Variants in CASD1 observed in about 807,000 individuals in gnomAD.
CASD1 encodes the protein CAS1 domain sialic acid O acetyltransferase 1.
In CASD1, 41 loss-of-function variants were observed where a neutral mutation model predicts 100.0. That is an observed-to-expected ratio of 0.41 (90% CI 0.32 to 0.53). The LOEUF (loss-of-function observed/expected upper bound fraction) is 0.53, where lower values mean the gene tolerates loss of function less well. Among genes scored for constraint, CASD1 ranks in the 20% least tolerant of loss-of-function variants. CASD1 has a pLI of 0.25. For missense variants in CASD1, 774 were observed against 948.7 expected (o/e 0.82, Z 2.42); for synonymous variants, 321 against 315.6 (o/e 1.02, Z -0.18).
intron 10 of CASD1, among the ~76,000 whole-genome samples, chr7:94,542,411 T>G: frequency 6.6e-6 from 1 of 150,482 alleles, no homozygotes; most frequent in South Asian, 2.2e-4. Flanking sequence ...AGTACTAAAT[T>G]CAAAAACTTT....
intron 15 of CASD1, 150 bp from the exon 16 acceptor site, chr7:94,552,200 C>T (rs1795983218): frequency 8.2e-6 from 5 of 609,130 alleles, no homozygotes; most frequent in South Asian, 4.1e-5. Context: ...AGGTGATGAG[C>T]AAACTTGCAA....
the CASD1 span, chr7:94,626,579 C>G: frequency 1.3e-5 from 2 of 151,948 alleles, no homozygotes; most frequent in Admixed American, 1.3e-4. Context: ...AATGATCTCA[C>G]AGTTCACTGC....
chr7:94,581,953 T>C, the CASD1 span, among the ~76,000 whole-genome samples: 1 of 152,222 alleles, frequency 6.6e-6, no homozygotes, highest in African/African-American at 2.4e-5. Context: ...ACCACCACAG[T>C]GTCTTCCACA....
At chr7:94,543,143 T>G (rs1795498813) in intron 10 of CASD1, among the ~76,000 whole-genome samples, 1 of 152,164 alleles carries the variant, frequency 6.6e-6, no homozygotes, top group Non-Finnish European at 1.5e-5. Flanking sequence ...AGTATCAGTT[T>G]AAGAGATAGG....
chr7:94,594,353 C>T, the CASD1 span: 2 of 152,072 alleles, frequency 1.3e-5, no homozygotes, highest in Admixed American at 1.3e-4. Context: ...AACACTTATT[C>T]ACTAGGCTAC....
intron 3 of CASD1, among the ~76,000 whole-genome samples, chr7:94,519,899 G>A (rs577520434): frequency 3.3e-5 from 5 of 152,198 alleles, no homozygotes; most frequent in East Asian, 1.9e-4. Flanking sequence ...CTAAAAATTC[G>A]AATAATGGAT....
Position 94,539,421 on chromosome 7 carries a change from C to T in CASD1, c.1356+365C>T, listed in dbSNP as rs556008633. Among the ~76,000 whole-genome samples, 9 of 152,212 alleles carry T rather than the reference C, an allele frequency of 5.9e-5. No homozygotes were observed. In the South Asian group the frequency reaches 1.5e-3, roughly 25 times the overall value. On this transcript the variant is annotated intron_variant, in intron 10 of 17. Coordinates refer to ENST00000297273, the MANE Select transcript of CASD1 (RefSeq NM_022900.5). ...TAGTGGCTCATGCCTGTAATCCTAG[C>T]ACTTTCGGAGGCCGAGGTGGGTGGA...
At chr7:94,566,446 AAATT>A in the CASD1 span, among the ~76,000 whole-genome samples, 2 of 147,118 alleles carry the variant, frequency 1.4e-5, no homozygotes, top group African/African-American at 5.4e-5. Flanking sequence ...GCTGCAAACA[AAATT>A]AAGAGTCAAA....
At chr7:94,537,346 TG>T (rs1795169860) in intron 8 of CASD1, 125 bp from the exon 9 acceptor site, 4 of 801,164 alleles carry the variant, frequency 5.0e-6, no homozygotes. Flanking sequence ...ATTTGGGAAA[TG>T]GTAGCAAAAG....
the CASD1 span, among the ~76,000 whole-genome samples, chr7:94,586,061 GAA>G: frequency 0.01 from 292 of 28,896 alleles, no homozygotes; most frequent in African/African-American, 0.037. Context: ...GGAACTAAAT[GAA>G]AAAAAAAAAA....
chr7:94,610,106 G>A, the CASD1 span, among the ~76,000 whole-genome samples: 1 of 152,182 alleles, frequency 6.6e-6, no homozygotes. Flanking sequence ...AGCAAATATG[G>A]AAAGGCTACA....
chr7:94,595,046 T>C, the CASD1 span, among the ~76,000 whole-genome samples: 55 of 152,282 alleles, frequency 3.6e-4, no homozygotes, highest in Non-Finnish European at 7.6e-4. Context: ...TGCCTAGATA[T>C]CAGGATAGGT....
At chr7:94,626,052 C>T in the CASD1 span, 2 of 152,094 alleles carry the variant, frequency 1.3e-5, no homozygotes. Flanking sequence ...ATTGTGATCT[C>T]CATCTGAATA....
At chr7:94,572,706 T>C in the CASD1 span, among the ~76,000 whole-genome samples, 1 of 152,236 alleles carries the variant, frequency 6.6e-6, no homozygotes, top group Non-Finnish European at 1.5e-5. Context: ...ATAGTTTCTT[T>C]TGCTGTGCAG....
At chr7:94,526,044 G>A (rs927671575) in intron 3 of CASD1, among the ~76,000 whole-genome samples, 3 of 152,112 alleles carry the variant, frequency 2.0e-5, no homozygotes, top group African/African-American at 7.2e-5. Flanking sequence ...CTGCAAATGG[G>A]CTATTTATAT....
intron 4 of CASD1, 103 bp downstream of exon 4, chr7:94,527,309 A>T: frequency 1.2e-6 from 1 of 864,692 alleles, no homozygotes; most frequent in South Asian, 1.7e-5. Flanking sequence ...GAGAGTAGAT[A>T]AGAATATTAG....
chr7:94,566,820 C>A, the CASD1 span, among the ~76,000 whole-genome samples: 30 of 152,078 alleles, frequency 2.0e-4, no homozygotes, highest in Non-Finnish European at 4.3e-4. Flanking sequence ...CTCAATTGAC[C>A]ATTTGTCTGT....
chr7:94,599,132 T>C, the CASD1 span: 7 of 573,456 alleles, frequency 1.2e-5, no homozygotes, highest in Non-Finnish European at 2.1e-5. Flanking sequence ...TCACATACTT[T>C]TAATATAACA....
At chr7:94,524,790 A>T (rs1794472787) in intron 3 of CASD1, among the ~76,000 whole-genome samples, 1 of 151,542 alleles carries the variant, frequency 6.6e-6, no homozygotes, top group South Asian at 2.1e-4. Flanking sequence ...GTATTGATAA[A>T]CTGACTGAGC....
Sources: allele counts gnomAD v4.1 joint callset (sites outside exome capture counted in the v4.1 genomes callset), GRCh38; gene constraint gnomAD v4.1.1; transcripts MANE v1.5; gene names NCBI Gene and HGNC (gene_info 2026-07-23, HGNC 2026-07-21).